The following SLC19A1 variants were observed in gnomAD, a reference collection of about 807,000 sequenced individuals.
SLC19A1 encodes the protein reduced folate transporter.
Under a neutral mutation model 35.3 loss-of-function variants are expected in SLC19A1, and 37 were observed. That is an observed-to-expected ratio of 1.05 (90% confidence interval 0.81 to 1.38). The LOEUF is 1.38. Among genes scored for constraint, SLC19A1 ranks in the 40% most tolerant of loss-of-function variants. SLC19A1 has a pLI of 0.00. For synonymous variants in SLC19A1, 460 were observed against 398.5 expected, an observed-to-expected ratio of 1.15 and a Z score of -1.84; for missense variants, 831 against 826.9, an observed-to-expected ratio of 1.00 and a Z score of -0.06.
intron 4 of SLC19A1, among the ~76,000 whole-genome samples, chr21:45,527,496 CG>C (rs1390435211): frequency 7.7e-6 from 1 of 130,260 alleles, no homozygotes; most frequent in African/African-American, 3.0e-5. Context: ...TCAGTTACTG[CG>C]GGCCCTGGAG....
In SLC19A1 at chr21:45,531,698, G is replaced by A; in HGVS notation, c.640C>T (p.Arg214Cys). Reference protein sequence around the residue: ...KRPKRSLFFNRDDRGRCETSA... With the variant: ...KRPKRSLFFNCDDRGRCETSA... ...GTTTCGCACCGCCCCCGGTCGTCGC[G>A]GTTGAAGAAGAGGCTGCGCTTGGGG... The change falls in exon 3 of 6, where the codon CGC becomes TGC. Residue 214 changes from arginine to cysteine, a missense_variant. Transcript: ENST00000311124. The A allele has an allele frequency of 2.5e-6, 4 of 1,612,698 alleles. No homozygotes were observed. Among genetic ancestry groups the A allele is most frequent in the Middle Eastern group, 1.7e-4 (1 of 6,058 alleles).
chr21:45,504,247 G>A, intron 3 of SLC19A1: 1 of 882,172 alleles, frequency 1.1e-6, no homozygotes, highest in Non-Finnish European at 1.8e-6. Flanking sequence ...GGGGGACTCG[G>A]CTGATGCAGT....
At chr21:45,503,886 C>T (rs574719267) in intron 3 of SLC19A1, 33 of 888,064 alleles carry the variant, frequency 3.7e-5, no homozygotes, top group Admixed American at 2.5e-4. Context: ...TAATTAAATA[C>T]GCGATCTCTA....
Position 45,530,829 on chromosome 21 carries a change from C to T in SLC19A1, c.1092G>A (p.Leu364=). The change falls in exon 4 of 6, where the codon CTG becomes CTA. Residue 364 remains leucine (L), a synonymous_variant. Transcript: ENST00000311124. The surrounding 1 kb of genome is among the most constrained non-coding windows in gnomAD (Gnocchi z 5.3). ...GGAACAGCACGAAGGCCGCATAGCA[C>T]AGCCAGATGCTGCTCGGGTGGCGCG... ...AHTRHPSSIW[L]CYAAFVLFRG... is the part of the protein sequence containing the mutation. 6.5e-7 allele frequency: 1 copy of T among 1,536,678 alleles called. No homozygotes were observed. Among genetic ancestry groups the T allele is most frequent in the Non-Finnish European group, 8.8e-7 (1 of 1,142,476 alleles).
chr21:45,547,798 C>T (rs767021753), upstream of SLC19A1, among the ~76,000 whole-genome samples: 19 of 152,158 alleles, frequency 1.2e-4, no homozygotes, highest in Non-Finnish European at 2.1e-4. Flanking sequence ...CTGAGGGCTG[C>T]GTCAAGGGTC....
At chr21:45,521,488 C>G (rs2077436933) in intron 5 of SLC19A1, among the ~76,000 whole-genome samples, 1 of 152,096 alleles carries the variant, frequency 6.6e-6, no homozygotes, top group Non-Finnish European at 1.5e-5. Context: ...AAAATCTGAG[C>G]AGGAATTTTT....
At chr21:45,516,892 C>T (rs573536107) in intron 5 of SLC19A1, among the ~76,000 whole-genome samples, 5 of 152,322 alleles carry the variant, frequency 3.3e-5, no homozygotes, top group East Asian at 1.9e-4. Flanking sequence ...CCATCGGCAC[C>T]GGCACCCTTC....
chr21:45,538,057 C>CTCCCTACCTGCAGG, intron 1 of SLC19A1, 49 bp from the exon 2 acceptor site: 1 of 1,114,770 alleles, frequency 9.0e-7, no homozygotes, highest in Non-Finnish European at 1.2e-6. Context: ...GTCTGCAGGC[C>CTCCCTACCTGCAGG]TCCCTACCCC....
In SLC19A1 at chr21:45,534,633, G is replaced by C. The variant is rs1379112162; in HGVS notation, c.190-2485C>G. The C allele has an allele frequency of 6.5e-7, 1 of 1,534,390 alleles. No homozygotes were observed. The highest frequency in any genetic ancestry group is 2.4e-5 in the East Asian group (1 of 40,904). On this transcript the variant is annotated intron_variant, in intron 2 of 5. Transcript: ENST00000311124. This position sits in a 1 kb window ranked among gnomAD's most constrained non-coding sequence, Gnocchi z 4.2. The stretch of plus-strand genomic sequence containing the variant: ...AGGCACCTCCTGGTCTTAGTTGAGG[G>C]TCTGAGCGCAGAGCTCCCCCTTGGC...
At chr21:45,511,418 G>GT (rs2037601662), downstream of SLC19A1, among the ~76,000 whole-genome samples, 1 of 152,148 alleles carries the variant, frequency 6.6e-6, no homozygotes, top group Non-Finnish European at 1.5e-5. Context: ...TTAGCAATGC[G>GT]TTTGAGAGCC....
Position 45,517,014 on chromosome 21 carries a change from G to A in SLC19A1, c.1294-874C>T, listed in dbSNP as rs1485243720. On this transcript the variant is annotated intron_variant, in intron 5 of 5. Transcript: ENST00000311124. This position sits in a 1 kb window ranked among gnomAD's most constrained non-coding sequence, Gnocchi z 4.4. ...ACACCTGGGAAGACTCTGAAAGCAG[G>A]AGCGAGGAGGACAGACTGACCAGGC... Among the ~76,000 whole-genome samples, 1 of 152,190 alleles carries A rather than the reference G, an allele frequency of 6.6e-6. No homozygotes were observed. Among genetic ancestry groups the A allele is most frequent in the African/African-American group, 2.4e-5 (1 of 41,438 alleles).
intron 3 of SLC19A1, chr21:45,505,706 A>C (rs1229821030): frequency 1.4e-5 from 11 of 764,702 alleles, no homozygotes; most frequent in Non-Finnish European, 2.2e-5. Flanking sequence ...TCATGGGGGC[A>C]GCCGCCTCAG....
intron 1 of SLC19A1, among the ~76,000 whole-genome samples, chr21:45,550,516 A>G (rs1443226359): frequency 6.6e-6 from 1 of 152,170 alleles, no homozygotes; most frequent in Non-Finnish European, 1.5e-5. Flanking sequence ...CCAGAATGGA[A>G]CTGCATGAAA....
downstream of SLC19A1, chr21:45,510,410 CCGGGTG>C: frequency 1.1e-6 from 1 of 900,782 alleles, no homozygotes; most frequent in South Asian, 1.5e-5. Context: ...AGGGCAGGCT[CCGGGTG>C]GGTCACACCC....
Position 45,530,474 on chromosome 21 carries a change from G to A in SLC19A1, c.1151+296C>T, listed in dbSNP as rs891405082. On this transcript the variant is annotated intron_variant, in intron 4 of 5. Coordinates refer to ENST00000311124, the MANE Select transcript of SLC19A1 (RefSeq NM_194255.4). This position sits in a 1 kb window ranked among gnomAD's most constrained non-coding sequence, Gnocchi z 5.3. ...TGCAAGCTCCCGCTCCTGCCTGGAT[G>A]GGGTCTCAGCAGCCCGGGGCCTAGA... 1.3e-5 allele frequency among the ~76,000 whole-genome samples: 2 copies of A among 152,270 alleles called. No individual in the cohort carries two copies. Among genetic ancestry groups the A allele is most frequent in the Admixed American group, 1.3e-4 (2 of 15,296 alleles).
rs78980934 is a variant in SLC19A1 at position 45,540,570 on chromosome 21, C to T, written c.-50+1798G>A. On this transcript the variant is annotated intron_variant, in intron 1 of 5. Coordinates refer to ENST00000311124, the MANE Select transcript of SLC19A1 (RefSeq NM_194255.4). The surrounding 1 kb of genome is among the most constrained non-coding windows in gnomAD (Gnocchi z 5.5). ...CTGCCAGCATACTCAACTTATGTGC[C>T]GTGAACGTAGCCCACTGACAGAGGC... 4.6e-5 allele frequency among the ~76,000 whole-genome samples: 7 copies of T among 152,294 alleles called. No individual in the cohort carries two copies. Among genetic ancestry groups the T allele is most frequent in the South Asian group, 2.1e-4 (1 of 4,830 alleles).
Position 45,531,684 on chromosome 21 carries a change from C to T in SLC19A1, c.654G>A (p.Gly218=), listed in dbSNP as rs769346765. The change falls in exon 3 of 6, where the codon GGG becomes GGA. Residue 218 remains glycine, a synonymous_variant. Coordinates refer to ENST00000311124, the MANE Select transcript of SLC19A1 (RefSeq NM_194255.4). ...RSLFFNRDDR[G]RCETSASELE... is the part of the protein sequence containing the mutation. ...GCTCCGAAGCCGAGGTTTCGCACCG[C>T]CCCCGGTCGTCGCGGTTGAAGAAGA... The T allele has an allele frequency of 5.6e-6, 9 of 1,612,354 alleles. No homozygotes were observed. Among genetic ancestry groups the T allele is most frequent in the Non-Finnish European group, 6.8e-6 (8 of 1,179,728 alleles).
chr21:45,534,456 TAGAC>T lies in SLC19A1; in HGVS notation c.190-2312_190-2309del. 3 of 1,127,956 alleles carry T rather than the reference TAGAC, an allele frequency of 2.7e-6. No homozygotes were observed. Among genetic ancestry groups the T allele is most frequent in the East Asian group, 2.6e-5 (1 of 38,848 alleles). The allele number at this position is 1,127,956 out of a possible 1,614,324, so 69.9% of individuals were successfully genotyped here. On this transcript the variant is annotated intron_variant, in intron 2 of 5. Transcript: ENST00000311124. This position sits in a 1 kb window ranked among gnomAD's most constrained non-coding sequence, Gnocchi z 4.2. ...TGCCCACAGCCCAGAGTCAAAATGGTAGACAGCCAGCAGAGAGGCTCTCCCCAGA... is the reference window on the plus strand; with the variant it reads ...TGCCCACAGCCCAGAGTCAAAATGGTAGCCAGCAGAGAGGCTCTCCCCAGA...
At chr21:45,521,106 T>C (rs2077426894) in intron 5 of SLC19A1, among the ~76,000 whole-genome samples, 1 of 150,498 alleles carries the variant, frequency 6.6e-6, no homozygotes, top group South Asian at 2.1e-4. Flanking sequence ...AGGGAGAAGA[T>C]GCCAACTGCA....
Sources: gnomAD v4.1 joint callset for allele counts (sites outside exome capture counted in the v4.1 genomes callset) on GRCh38, gnomAD v4.1.1 for gene constraint, Gnocchi (gnomAD v3.1) non-coding constraint, MANE v1.5 for transcripts, NCBI Gene and HGNC (gene_info 2026-07-23, HGNC 2026-07-21) for gene names.